The following TRIM44 variants were observed in gnomAD, a reference collection of about 807,000 sequenced individuals.
TRIM44 encodes the protein tripartite motif-containing protein 44.
Under a neutral mutation model 37.4 loss-of-function variants are expected in TRIM44, and 13 were observed. That is an observed-to-expected ratio of 0.35 (90% CI 0.23 to 0.55). The LOEUF (loss-of-function observed/expected upper bound fraction) is 0.55. TRIM44 is among the 20% of genes least tolerant of loss of function. The probability of loss-of-function intolerance (pLI) is 0.89; values close to 1 mark genes in which losing one functional copy is unlikely to be tolerated. For synonymous variants in TRIM44, 175 were observed against 157.2 expected (o/e 1.11, Z -0.85); for missense variants, 426 against 437.2 (o/e 0.97, Z 0.23).
At chr11:35,729,122 G>T (rs1258746189) in intron 3 of TRIM44, among the ~76,000 whole-genome samples, 1 of 151,836 alleles carries the variant, frequency 6.6e-6, no homozygotes. Context: ...TACTTCCTAT[G>T]TATGCTAGCC....
chr11:35,736,144 A>G (rs1361558446), intron 4 of TRIM44, among the ~76,000 whole-genome samples: 1 of 152,196 alleles, frequency 6.6e-6, no homozygotes, highest in African/African-American at 2.4e-5. Flanking sequence ...GGCAATGTCC[A>G]GATGGGTCCC....
intron 1 of TRIM44, among the ~76,000 whole-genome samples, chr11:35,667,021 T>C (rs1851340042): frequency 6.6e-6 from 1 of 152,220 alleles, no homozygotes; most frequent in African/African-American, 2.4e-5. Context: ...TTATGTTGAA[T>C]GGATGTGGTT....
intron 4 of TRIM44, among the ~76,000 whole-genome samples, chr11:35,758,070 C>T (rs1345219436): frequency 1.3e-5 from 2 of 152,108 alleles, no homozygotes; most frequent in Admixed American, 6.5e-5. Flanking sequence ...CTTTCTGTCT[C>T]GTTGATCTGT....
intron 3 of TRIM44, 67 bp downstream of exon 3, chr11:35,726,230 G>T: frequency 6.3e-7 from 1 of 1,580,986 alleles, no homozygotes; most frequent in Non-Finnish European, 8.6e-7. Flanking sequence ...ATATTTGTTA[G>T]ACCCCATGTG....
chr11:35,792,758 G>A (rs781382116), intron 4 of TRIM44, among the ~76,000 whole-genome samples: 2 of 152,116 alleles, frequency 1.3e-5, no homozygotes, highest in Non-Finnish European at 2.9e-5. Context: ...ACAACATAAC[G>A]GTGCTGAGGT....
intron 3 of TRIM44, among the ~76,000 whole-genome samples, chr11:35,730,761 C>G (rs1852246488): frequency 6.6e-6 from 1 of 151,184 alleles, no homozygotes; most frequent in African/African-American, 2.4e-5. Context: ...ATTTTCAGTA[C>G]TATTGAAAAT....
intron 2 of TRIM44, among the ~76,000 whole-genome samples, chr11:35,720,833 T>G (rs995906922): frequency 1.3e-5 from 2 of 152,120 alleles, no homozygotes; most frequent in African/African-American, 4.8e-5. Flanking sequence ...ATAAATTATA[T>G]TAGCTGATTT....
At chr11:35,671,442 A>G (rs1348823973) in intron 1 of TRIM44, among the ~76,000 whole-genome samples, 1 of 152,250 alleles carries the variant, frequency 6.6e-6, no homozygotes, top group Admixed American at 6.5e-5. Flanking sequence ...ACACATTGTT[A>G]GTGCTCACTA....
At chr11:35,724,472 G>A (rs1372939218) in intron 2 of TRIM44, 1 of 152,134 alleles carries the variant, frequency 6.6e-6, no homozygotes, top group African/African-American at 2.4e-5. Flanking sequence ...CTTTTCTTCT[G>A]CCTTTCTCCT....
At chr11:35,728,464 G>C (rs986208196) in intron 3 of TRIM44, among the ~76,000 whole-genome samples, 4 of 152,166 alleles carry the variant, frequency 2.6e-5, no homozygotes, top group African/African-American at 7.2e-5. Flanking sequence ...TACTCTTAAA[G>C]GGATGCAAGA....
chr11:35,739,250 T>C (rs1465020297), intron 4 of TRIM44, among the ~76,000 whole-genome samples: 1 of 152,222 alleles, frequency 6.6e-6, no homozygotes, highest in African/African-American at 2.4e-5. Context: ...CCTCATGATA[T>C]AGTTATTAGC....
In TRIM44 at chr11:35,725,951, A is replaced by G; in HGVS notation, c.775A>G (p.Ile259Val). The G allele has an allele frequency of 6.2e-7, 1 of 1,614,110 alleles. No homozygotes were observed. Among genetic ancestry groups the G allele is most frequent in the Non-Finnish European group, 8.5e-7 (1 of 1,179,988 alleles). Residue 259 changes from isoleucine (I) to valine (V), a missense_variant, in exon 3 of 5, where the codon ATA (isoleucine) becomes GTA (valine). Ile to Val is a conservative substitution (Grantham distance 29). Transcript: ENST00000299413. ...AACTCGGGACCAAATGAAGATGTTTATACAGCAGGAATTTAAGAAAGTTCA... is the reference window on the plus strand; with the variant it reads ...AACTCGGGACCAAATGAAGATGTTTGTACAGCAGGAATTTAAGAAAGTTCA... ...KVTRDQMKMF[I>V]QQEFKKVQKV...
In TRIM44 at chr11:35,807,977, AC is replaced by A. The variant is rs1309331597; in HGVS notation, c.*1593del. 1 of 152,166 alleles carries A rather than the reference AC, an allele frequency of 6.6e-6. No individual in the cohort carries two copies. The highest frequency in any genetic ancestry group is 6.6e-5 in the Admixed American group (1 of 15,258). The allele number at this position is 152,166 out of a possible 1,614,324, so 9.4% of individuals were successfully genotyped here. On this transcript the variant is annotated 3_prime_UTR_variant, in exon 5 of 5. Transcript: ENST00000299413. ...TCTGCCTGTGACCTGTGTACGTATT[AC>A]AGGCTTTAGGACCAGCTGATTGTTA...
chr11:35,736,779 T>G (rs1843431387), intron 4 of TRIM44, among the ~76,000 whole-genome samples: 5 of 152,200 alleles, frequency 3.3e-5, no homozygotes, highest in Admixed American at 3.3e-4. Flanking sequence ...GGGAACCACT[T>G]CAGACTCCAT....
At chr11:35,685,152 C>A in intron 1 of TRIM44, 107 bp from the exon 2 acceptor site, 2 of 820,464 alleles carry the variant, frequency 2.4e-6, no homozygotes, top group Non-Finnish European at 4.1e-6. Context: ...GCTCTCTTGG[C>A]TGTTAAGAAA....
At chr11:35,745,396 A>G (rs1280555667) in intron 4 of TRIM44, among the ~76,000 whole-genome samples, 1 of 152,046 alleles carries the variant, frequency 6.6e-6, no homozygotes, top group Middle Eastern at 3.2e-3. Flanking sequence ...TTTAAGTTCC[A>G]TGTAGACTCT....
intron 2 of TRIM44, among the ~76,000 whole-genome samples, chr11:35,718,917 T>TG (rs1230314262): frequency 6.6e-6 from 1 of 150,872 alleles, no homozygotes; most frequent in African/African-American, 2.4e-5. Context: ...CTTTTTTTGG[T>TG]GGGGCGGGGG....
At chr11:35,779,697 T>C (rs780065447) in intron 4 of TRIM44, among the ~76,000 whole-genome samples, 3 of 152,170 alleles carry the variant, frequency 2.0e-5, no homozygotes, top group Non-Finnish European at 4.4e-5. Context: ...TCCAGGATGG[T>C]GTTTCCTAGG....
At chr11:35,674,550 A>T (rs1851438459) in intron 1 of TRIM44, among the ~76,000 whole-genome samples, 1 of 152,212 alleles carries the variant, frequency 6.6e-6, no homozygotes, top group South Asian at 2.1e-4. Context: ...GGGTTTAGTT[A>T]GTTTTTGGTA....
Sources: allele counts gnomAD v4.1 joint callset (sites outside exome capture counted in the v4.1 genomes callset), GRCh38; gene constraint gnomAD v4.1.1; transcripts MANE v1.5; gene names NCBI Gene and HGNC (gene_info 2026-07-23, HGNC 2026-07-21).